Variants in GPRC5C observed in about 807,000 individuals in gnomAD.
GPRC5C encodes G protein-coupled receptor family C group 5 member C.
A neutral mutation model predicts 31.4 loss-of-function variants in GPRC5C; 22 were observed. The observed-to-expected ratio is 0.70, with a 90% CI of 0.50 to 1.00. The LOEUF is 1.00. Ranked by LOEUF, GPRC5C falls within the 50% of genes least tolerant of loss-of-function variation. GPRC5C has a pLI of 0.00. For synonymous variants in GPRC5C, 249 were observed against 257.5 expected, an observed-to-expected ratio of 0.97 and a Z score of 0.32; for missense variants, 557 against 597.2, an observed-to-expected ratio of 0.93 and a Z score of 0.70.
At position 74,443,911 on chromosome 17, in the gene GPRC5C, C is replaced by T. The variant is rs372755450; in HGVS notation, c.1145C>T (p.Pro382Leu). 24 of 1,604,100 alleles carry T rather than the reference C, an allele frequency of 1.5e-5. No homozygotes were observed. Among genetic ancestry groups the T allele is most frequent in the African/African-American group, 2.7e-5 (2 of 74,726 alleles). Residue 382 changes from proline (P) to leucine (L), a missense_variant and splice_region_variant, in exon 3 of 4, where the codon CCG becomes CTG. Coordinates refer to ENST00000392627, the MANE Select transcript of GPRC5C (RefSeq NM_022036.4). ...GAGATGGCCCTGATGCACAAAGTTC[C>T]GGTAAGTGGGTTCCCCAGGTCCCCG... Reference protein sequence around the residue: ...PTEMALMHKVPSEGAYDIILP... With the variant: ...PTEMALMHKVLSEGAYDIILP...
At chr17:74,442,681 C>G (rs1455289171) in intron 2 of GPRC5C, among the ~76,000 whole-genome samples, 1 of 152,232 alleles carries the variant, frequency 6.6e-6, no homozygotes. Flanking sequence ...ACATTCCTTT[C>G]TCTTCTACAC....
chr17:74,440,698 C>G lies in GPRC5C; in HGVS notation c.922C>G (p.Pro308Ala), dbSNP rs976643054. The change falls in exon 2 of 4, where the codon CCA (proline) becomes GCA (alanine). Residue 308 changes from proline to alanine, a missense_variant. Coordinates refer to ENST00000392627, the MANE Select transcript of GPRC5C (RefSeq NM_022036.4). This position sits in a 1 kb window ranked among gnomAD's most constrained non-coding sequence, Gnocchi z 4.4. ...PEVSQVTKSS[P>A]EQSYQGDMYP... is the part of the protein sequence containing the mutation. ...GGTCTCCCAGGTGACCAAGTCCAGC[C>G]CAGAGCAAAGCTACCAGGGGGACAT... is the stretch of plus-strand genomic sequence containing the variant. The G allele has an allele frequency of 6.2e-6, 10 of 1,607,942 alleles. No individual in the cohort carries two copies. The East Asian group carries it at 2.2e-4, about 36-fold the overall frequency.
intron 2 of GPRC5C, among the ~76,000 whole-genome samples, chr17:74,442,538 AC>A (rs1462217237): frequency 6.6e-6 from 1 of 152,034 alleles, no homozygotes; most frequent in African/African-American, 2.4e-5. Context: ...CAAAGTCCTG[AC>A]CCTGCCCCCA....
At chr17:74,444,151 C>T (rs990626314) in intron 3 of GPRC5C, among the ~76,000 whole-genome samples, 1 of 152,210 alleles carries the variant, frequency 6.6e-6, no homozygotes, top group Non-Finnish European at 1.5e-5. Context: ...CGCCCTGTGT[C>T]ACTGGGGCAT....
Position 74,439,981 on chromosome 17 carries a change from A to G in GPRC5C, c.205A>G (p.Ile69Val), listed in dbSNP as rs80079984. The change falls in exon 2 of 4, where the codon ATC becomes GTC. Residue 69 changes from isoleucine (I) to valine (V), a missense_variant. Transcript: ENST00000392627. ...CATTGTCACCACGTTTGTGCTCACCATCATCCTGGTGGCCAGCCTCCCCTT... is the reference window on the plus strand; with the variant it reads ...CATTGTCACCACGTTTGTGCTCACCGTCATCCTGGTGGCCAGCCTCCCCTT... ...AGIVTTFVLT[I>V]ILVASLPFVQ... is the part of the protein sequence containing the mutation. The G allele has an allele frequency of 1.4e-3, 2,191 of 1,609,990 alleles. 29 individuals carry two copies. The African/African-American group carries it at 0.026, about 19-fold the overall frequency.
downstream of GPRC5C, chr17:74,448,832 C>G (rs1330765128): frequency 7.8e-7 from 1 of 1,284,684 alleles, no homozygotes; most frequent in Non-Finnish European, 1.0e-6. Context: ...GGTAAGCGAA[C>G]TGACCCAGAG....
intron 1 of GPRC5C, among the ~76,000 whole-genome samples, chr17:74,434,720 T>C (rs7225955): frequency 0.11 from 17,151 of 152,058 alleles, 2,194 homozygotes; most frequent in African/African-American, 0.31. Context: ...GTCAGGAGTT[T>C]GAGACCAGCC....
At chr17:74,434,271 C>T (rs909786644) in intron 1 of GPRC5C, among the ~76,000 whole-genome samples, 26 of 152,206 alleles carry the variant, frequency 1.7e-4, no homozygotes, top group African/African-American at 6.0e-4. Context: ...TCCTACCCCC[C>T]TCCTTGAACC....
At chr17:74,436,924 G>A (rs536028998) in intron 1 of GPRC5C, among the ~76,000 whole-genome samples, 1 of 151,976 alleles carries the variant, frequency 6.6e-6, no homozygotes, top group Non-Finnish European at 1.5e-5. Flanking sequence ...TCCCTTTTTT[G>A]TTGTTGTTGT....
chr17:74,446,528 T>C (rs983535601), intron 3 of GPRC5C: 47 of 263,364 alleles, frequency 1.8e-4, no homozygotes, highest in Non-Finnish European at 3.1e-4. Flanking sequence ...TCTGTGTGGC[T>C]GACTCTCCAC....
intron 1 of GPRC5C, among the ~76,000 whole-genome samples, chr17:74,439,379 G>T (rs1410137424): frequency 6.6e-6 from 1 of 152,222 alleles, no homozygotes; most frequent in Non-Finnish European, 1.5e-5. Flanking sequence ...GGTACTGGGT[G>T]GGTGGTATGC....
At position 74,440,277 on chromosome 17, in the gene GPRC5C, G is replaced by A. The variant is rs1314229742; in HGVS notation, c.501G>A (p.Glu167=). The A allele has an allele frequency of 4.3e-6, 7 of 1,614,114 alleles. No individual in the cohort carries two copies. The Admixed American group carries it at 6.7e-5, about 15-fold the overall frequency. The change falls in exon 2 of 4, where the codon GAG becomes GAA. Residue 167 remains glutamate, a synonymous_variant. Transcript: ENST00000392627. The surrounding 1 kb of genome is among the most constrained non-coding windows in gnomAD (Gnocchi z 4.4). ...TGGCTCTGCTGCTGACCCTGGTAGA[G>A]GTCATCATCAATACAGAGTGGCTGA... ...FTVALLLTLV[E]VIINTEWLII...
chr17:74,447,820 C>T (rs1325708952), downstream of GPRC5C, among the ~76,000 whole-genome samples: 1 of 152,170 alleles, frequency 6.6e-6, no homozygotes, highest in African/African-American at 2.4e-5. Context: ...TTCAGCTTCT[C>T]CTGGGATGAA....
chr17:74,448,831 A>G (rs1030170756), downstream of GPRC5C: 43 of 1,283,324 alleles, frequency 3.4e-5, no homozygotes, highest in Non-Finnish European at 4.3e-5. Flanking sequence ...AGGTAAGCGA[A>G]CTGACCCAGA....
At position 74,439,918 on chromosome 17, in the gene GPRC5C, G is replaced by A; in HGVS notation, c.142G>A (p.Ala48Thr). The change falls in exon 2 of 4, where the codon GCG becomes ACG. Residue 48 changes from alanine to threonine, a missense_variant. Ala to Thr is a moderately conservative substitution (Grantham distance 58). Transcript: ENST00000392627. ...LYYNLCDRSG[A>T]WGIVLEAVAG... is the part of the protein sequence containing the mutation. The stretch of plus-strand genomic sequence containing the variant: ...CTACAACCTGTGTGACCGCTCTGGG[G>A]CGTGGGGCATCGTCCTGGAGGCCGT... 1 of 1,612,496 alleles carries A rather than the reference G, an allele frequency of 6.2e-7. No homozygotes were observed. Among genetic ancestry groups the A allele is most frequent in the Non-Finnish European group, 8.5e-7 (1 of 1,180,024 alleles).
chr17:74,432,456 C>CGCCCCCCGCCT, intron 1 of GPRC5C: 1 of 1,085,970 alleles, frequency 9.2e-7, no homozygotes, highest in Non-Finnish European at 1.1e-6. Flanking sequence ...CACCCCCGCC[C>CGCCCCCCGCCT]GCCCCCCGCC....
At chr17:74,432,304 G>T (rs1366896602) in intron 1 of GPRC5C, 163 bp downstream of exon 1, 1 of 1,453,852 alleles carries the variant, frequency 6.9e-7, no homozygotes, top group Non-Finnish European at 9.0e-7. Flanking sequence ...CCTGCCTGGG[G>T]ACAGGCCCGC....
intron 3 of GPRC5C, among the ~76,000 whole-genome samples, chr17:74,444,224 G>C (rs781174476): frequency 6.6e-6 from 1 of 152,190 alleles, no homozygotes; most frequent in Admixed American, 6.5e-5. Context: ...GGTGGGAGCT[G>C]CCAGCTTTAC....
chr17:74,440,934 C>T lies in GPRC5C; in HGVS notation c.1051+107C>T, dbSNP rs1018428950. 1.8e-5 allele frequency: 17 copies of T among 965,304 alleles called. No homozygotes were observed. The highest frequency in any genetic ancestry group is 2.4e-5 in the Non-Finnish European group (17 of 711,314). 59.8% of individuals were successfully genotyped at this position (965,304 alleles called of 1,614,324 possible). On this transcript the variant is annotated intron_variant, in intron 2 of 3. Coordinates refer to ENST00000392627, the MANE Select transcript of GPRC5C (RefSeq NM_022036.4). The surrounding 1 kb of genome is among the most constrained non-coding windows in gnomAD (Gnocchi z 4.4). ...CAAAATGGAAAGTTTTTGAGGTTTT[C>T]TGTAGTTTTCTGCCTAAGTGTCTCT...
Sources: allele counts gnomAD v4.1 joint callset (sites outside exome capture counted in the v4.1 genomes callset), GRCh38; gene constraint gnomAD v4.1.1; non-coding constraint Gnocchi (gnomAD v3.1); transcripts MANE v1.5; gene names NCBI Gene and HGNC (gene_info 2026-07-23, HGNC 2026-07-21).